Variants in PIGG observed in about 807,000 individuals in gnomAD.
PIGG encodes GPI ethanolamine phosphate transferase 2, catalytic subunit.
PIGG carries 70 observed loss-of-function variants against 83.2 expected under a neutral mutation model. The observed-to-expected ratio is 0.84, with a 90% CI of 0.69 to 1.03. The LOEUF (loss-of-function observed/expected upper bound fraction) is 1.03. PIGG is among the 50% of genes least tolerant of loss of function. PIGG has a pLI of 0.00. For missense variants in PIGG, 1,257 were observed against 1,233.6 expected (o/e 1.02, Z -0.28); for synonymous variants, 532 against 519.5 (o/e 1.02, Z -0.33).
intron 5 of PIGG, among the ~76,000 whole-genome samples, chr4:510,180 T>C (rs1721396692): frequency 6.6e-6 from 1 of 152,160 alleles, no homozygotes; most frequent in South Asian, 2.1e-4. Context: ...TGAAGAGAGA[T>C]TTAGCCACGT....
chr4:533,722 TAC>T (rs1482142488), intron 11 of PIGG, 94 bp from the exon 12 acceptor site: 2 of 1,200,204 alleles, frequency 1.7e-6, no homozygotes, highest in Non-Finnish European at 2.4e-6. Flanking sequence ...CTGGGCTGCC[TAC>T]ACAGTTCACG....
chr4:528,123 C>T lies in PIGG; in HGVS notation c.2261+893C>T, dbSNP rs1348412475. ...CTGATAGTGACCCTCTCAGTGAGGT[C>T]GGTGCTCTGCAGAGGGGTCTTCTGG... On this transcript the variant is annotated intron_variant, in intron 10 of 12. Coordinates refer to ENST00000453061, the MANE Select transcript of PIGG (RefSeq NM_001127178.3). This position sits in a 1 kb window ranked among gnomAD's most constrained non-coding sequence, Gnocchi z 4.8. The T allele has an allele frequency of 1.0e-5, 10 of 985,158 alleles. No individual in the cohort carries two copies. In the South Asian group the frequency reaches 1.4e-4, roughly 14 times the overall value. 61.0% of individuals were successfully genotyped at this position (985,158 alleles called of 1,614,324 possible). A position where few individuals can be genotyped will look rare whatever the true frequency, so the allele number is the denominator to read the frequency against.
In PIGG at chr4:508,966, A is replaced by T; in HGVS notation, c.897A>T (p.Lys299Asn). Residue 299 changes from lysine (K) to asparagine (N), a missense_variant, in exon 5 of 13, where the codon AAA (lysine) becomes AAT (asparagine). Physicochemically the swap from Lys to Asn is moderately conservative, Grantham distance 94 (BLOSUM62 0). Transcript: ENST00000453061. ...TAATCAGTTCTGCGTTTGAAAGGAA[A>T]CCCGGTGAGAATTTAGGAATGTTAA... ...LILISSAFER[K>N]PGDIRHPKHV... is the part of the protein sequence containing the mutation. 6.2e-7 allele frequency: 1 copy of T among 1,609,500 alleles called. No homozygotes were observed. The highest frequency in any genetic ancestry group is 8.5e-7 in the Non-Finnish European group (1 of 1,177,442).
chr4:518,449 T>C (rs988478119), intron 6 of PIGG, among the ~76,000 whole-genome samples: 25 of 152,058 alleles, frequency 1.6e-4, no homozygotes, highest in East Asian at 1.4e-3. Flanking sequence ...AAAAATTAGT[T>C]GGGCATGGTG....
Position 500,446 on chromosome 4 carries a change from G to A in PIGG, c.205G>A (p.Val69Ile). ...TLPPPLFSKV[V>I]IVLIDALRDD... Reference sequence around the variant, plus strand: ...GCCACCACCTCTCTTCAGTAAAGTTGTTATTGTTCTGATAGATGCCTTGAG... The same window carrying A: ...GCCACCACCTCTCTTCAGTAAAGTTATTATTGTTCTGATAGATGCCTTGAG... The change falls in exon 2 of 13, where the codon GTT becomes ATT. Residue 69 changes from valine (V) to isoleucine (I), a missense_variant. Transcript: ENST00000453061. 6.2e-7 allele frequency: 1 copy of A among 1,614,024 alleles called. No individual in the cohort carries two copies. Among genetic ancestry groups the A allele is most frequent in the Non-Finnish European group, 8.5e-7 (1 of 1,179,916 alleles).
chr4:511,822 G>A (rs1722058891), intron 5 of PIGG, among the ~76,000 whole-genome samples: 1 of 152,184 alleles, frequency 6.6e-6, no homozygotes, highest in South Asian at 2.1e-4. Context: ...AAAATATCCG[G>A]GATGTCTATT....
chr4:535,625 C>G (rs924788562), intron 12 of PIGG, among the ~76,000 whole-genome samples: 1 of 152,202 alleles, frequency 6.6e-6, no homozygotes, highest in Non-Finnish European at 1.5e-5. Flanking sequence ...AGGGCTCCTA[C>G]GTCCTCCCAT....
At chr4:499,524 A>C in intron 1 of PIGG, 35 bp downstream of exon 1, 2 of 1,556,804 alleles carry the variant, frequency 1.3e-6, no homozygotes, top group East Asian at 2.4e-5. Context: ...CGCTCCCCTG[A>C]CCCCACATCC....
intron 5 of PIGG, among the ~76,000 whole-genome samples, chr4:512,339 C>T (rs1722294739): frequency 6.6e-6 from 1 of 151,178 alleles, no homozygotes; most frequent in South Asian, 2.1e-4. Flanking sequence ...CCTGCCTCAG[C>T]CTCCCGAGTA....
chr4:533,599 G>C, intron 11 of PIGG: 3 of 579,458 alleles, frequency 5.2e-6, no homozygotes, highest in Non-Finnish European at 6.2e-6. Context: ...CCGCAGCCTG[G>C]GCACTGCAGG....
At chr4:526,336 C>CA (rs1356202087) in intron 9 of PIGG, among the ~76,000 whole-genome samples, 1 of 152,234 alleles carries the variant, frequency 6.6e-6, no homozygotes, top group Non-Finnish European at 1.5e-5. Context: ...GCGGGAGCTG[C>CA]AGTGAAAGAA....
At chr4:531,403 C>CT (rs755979713) in intron 11 of PIGG, 1 of 153,738 alleles carries the variant, frequency 6.5e-6, no homozygotes, top group Non-Finnish European at 1.5e-5. Flanking sequence ...GACTCCCAGG[C>CT]TGAGTCGCTT....
intron 2 of PIGG, among the ~76,000 whole-genome samples, chr4:505,427 G>A (rs1719264746): frequency 7.7e-6 from 1 of 129,192 alleles, no homozygotes; most frequent in South Asian, 2.6e-4. Context: ...CTTCAGACCA[G>A]CCTGGGCAAC....
At chr4:512,565 C>A (rs992897137) in intron 5 of PIGG, among the ~76,000 whole-genome samples, 1 of 151,804 alleles carries the variant, frequency 6.6e-6, no homozygotes, top group East Asian at 2.0e-4. Flanking sequence ...ATTTGTAATC[C>A]CAGCACTTTG....
In PIGG at chr4:499,245, T is replaced by A; in HGVS notation, c.-91T>A. ...CGACGATAAGGCCTGGCGTTATTGC[T>A]TAGAGGCGGCTACCTGGAGCCGGAA... On this transcript the variant is annotated 5_prime_UTR_variant, in exon 1 of 13. Transcript: ENST00000453061. 1 of 1,424,560 alleles carries A rather than the reference T, an allele frequency of 7.0e-7. No homozygotes were observed. The highest frequency in any genetic ancestry group is 9.6e-7 in the Non-Finnish European group (1 of 1,043,080). 88.2% of individuals were successfully genotyped at this position (1,424,560 alleles called of 1,614,324 possible).
At chr4:536,073 C>T (rs1730520405) in intron 12 of PIGG, among the ~76,000 whole-genome samples, 1 of 152,246 alleles carries the variant, frequency 6.6e-6, no homozygotes, top group Non-Finnish European at 1.5e-5. Context: ...CGCTCACGTC[C>T]TGTGTTGAGG....
chr4:530,350 G>A, intron 10 of PIGG, 86 bp from the exon 11 acceptor site: 1 of 927,730 alleles, frequency 1.1e-6, no homozygotes, highest in Non-Finnish European at 1.7e-6. Context: ...GGTTCCCTGG[G>A]TAGATAGGTG....
Position 528,713 on chromosome 4 carries a change from C to T in PIGG, c.2261+1483C>T, listed in dbSNP as rs1438809708. ...GTGCAGCGTATGAATAAATTCATTT[C>T]CTCACAGATCTATACACTGAATTTC... On this transcript the variant is annotated intron_variant, in intron 10 of 12. Coordinates refer to ENST00000453061, the MANE Select transcript of PIGG (RefSeq NM_001127178.3). This position sits in a 1 kb window ranked among gnomAD's most constrained non-coding sequence, Gnocchi z 4.8. 6 of 985,150 alleles carry T rather than the reference C, an allele frequency of 6.1e-6. No homozygotes were observed. Among genetic ancestry groups the T allele is most frequent in the Non-Finnish European group, 7.2e-6 (6 of 829,838 alleles). The allele number at this position is 985,150 out of a possible 1,614,324, so 61.0% of individuals were successfully genotyped here. A position where few individuals can be genotyped will look rare whatever the true frequency, so the allele number is the denominator to read the frequency against.
chr4:509,045 A>G, intron 5 of PIGG, 75 bp downstream of exon 5: 3 of 1,343,566 alleles, frequency 2.2e-6, no homozygotes. Context: ...AATTTTGAAA[A>G]CCTATTTTTT....
Sources: allele counts gnomAD v4.1 joint callset (sites outside exome capture counted in the v4.1 genomes callset), GRCh38; gene constraint gnomAD v4.1.1; non-coding constraint Gnocchi (gnomAD v3.1); transcripts MANE v1.5; gene names NCBI Gene and HGNC (gene_info 2026-07-23, HGNC 2026-07-21).